Variants in AMPH observed in about 807,000 individuals in gnomAD.
AMPH encodes the protein amphiphysin.
A neutral mutation model predicts 99.1 loss-of-function variants in AMPH; 49 were observed. The ratio of observed to expected loss-of-function variants is 0.49; its 90% CI spans 0.39 to 0.63. The LOEUF (loss-of-function observed/expected upper bound fraction) is 0.63. AMPH is among the 20% of genes least tolerant of loss of function. The pLI, the probability that AMPH is intolerant of heterozygous loss-of-function variation, is 0.00. For missense variants in AMPH, 759 were observed against 863.4 expected, an observed-to-expected ratio of 0.88 and a Z score of 1.52; for synonymous variants, 314 against 317.3, an observed-to-expected ratio of 0.99 and a Z score of 0.11.
In AMPH at chr7:38,397,958, C is replaced by T. The variant is rs111622695; in HGVS notation, c.1399-3744G>A. Among the ~76,000 whole-genome samples the T allele has an allele frequency of 1.6e-4, 25 of 152,036 alleles. 1 individual carries two copies. In the Middle Eastern group the frequency reaches 0.01, roughly 62 times the overall value. ...ATGCAAATCGAAACTACAATGAGATCTCATCTCACCCCAGTTAAAACGGCT... is the reference window on the plus strand; with the variant it reads ...ATGCAAATCGAAACTACAATGAGATTTCATCTCACCCCAGTTAAAACGGCT... On this transcript the variant is annotated intron_variant, in intron 17 of 20. Transcript: ENST00000356264.
chr7:38,424,452 A>G (rs914936378), intron 15 of AMPH, among the ~76,000 whole-genome samples: 4 of 152,218 alleles, frequency 2.6e-5, no homozygotes, highest in African/African-American at 9.6e-5. Context: ...CTATTGGAAA[A>G]TAAATATGCA....
chr7:38,491,136 C>T lies in AMPH; in HGVS notation c.310G>A (p.Val104Met), dbSNP rs1234655947. The T allele has an allele frequency of 3.1e-6, 5 of 1,610,398 alleles. No homozygotes were observed. Among genetic ancestry groups the T allele is most frequent in the Non-Finnish European group, 4.2e-6 (5 of 1,176,982 alleles). Residue 104 changes from valine (V) to methionine (M), a missense_variant, in exon 5 of 21, where the codon GTG becomes ATG. Around this residue, in one of 2 missense-constraint regions of AMPH, gnomAD observed 205 missense variants for 287.9 expected, o/e 0.71. Transcript: ENST00000356264. ...TTTTGATGGAAGTCTTCCCACAGCA[C>T]ATCACATTTCTAAAAGAAATAAAGA... ...DVKMVGEKCDVLWEDFHQKLV... is the reference protein window; with the variant it reads ...DVKMVGEKCDMLWEDFHQKLV...
intron 8 of AMPH, 22 bp downstream of exon 8, chr7:38,466,150 CA>C: frequency 6.3e-7 from 1 of 1,588,328 alleles, no homozygotes; most frequent in South Asian, 1.1e-5. Context: ...ATTCCATATG[CA>C]AAAATTATCG....
chr7:38,433,799 C>T (rs1786147432), intron 12 of AMPH, among the ~76,000 whole-genome samples: 1 of 150,658 alleles, frequency 6.6e-6, no homozygotes, highest in African/African-American at 2.4e-5. Flanking sequence ...CACACATCAC[C>T]AGTTATTTTC....
At chr7:38,631,043 G>A (rs538088876) in intron 1 of AMPH, among the ~76,000 whole-genome samples, 1 of 152,226 alleles carries the variant, frequency 6.6e-6, no homozygotes, top group African/African-American at 2.4e-5. Context: ...CGGCGTCTCC[G>A]GGGCCAGGGT....
At chr7:38,390,679 G>A (rs1042932840) in intron 19 of AMPH, among the ~76,000 whole-genome samples, 3 of 152,116 alleles carry the variant, frequency 2.0e-5, no homozygotes, top group African/African-American at 7.2e-5. Flanking sequence ...TTTTCTGATT[G>A]GAAAACTGAT....
At chr7:38,458,770 A>T (rs1787329847) in intron 11 of AMPH, among the ~76,000 whole-genome samples, 1 of 152,184 alleles carries the variant, frequency 6.6e-6, no homozygotes, top group Non-Finnish European at 1.5e-5. Flanking sequence ...AATGGGAGAA[A>T]AGCTGAAAGC....
Position 38,391,753 on chromosome 7 carries a change from A to G in AMPH, c.1873T>C (p.Tyr625His). 6.2e-7 allele frequency: 1 copy of G among 1,613,530 alleles called. No homozygotes were observed. The highest frequency in any genetic ancestry group is 2.2e-5 in the East Asian group (1 of 44,888). ...GACTTAAAAAATAAGAATACCTTGT[A>G]GAGAAAGCCAGGAGGCAATTCCTGA... ...ASQELPPGFL[Y>H]KVETLHDFEA... The change falls in exon 19 of 21, where the codon TAC becomes CAC. Residue 625 changes from tyrosine (Y) to histidine (H), a missense_variant. Around this residue, in one of 2 missense-constraint regions of AMPH, gnomAD observed 554 missense variants for 575.6 expected, o/e 0.96. Coordinates refer to ENST00000356264, the MANE Select transcript of AMPH (RefSeq NM_001635.4).
intron 1 of AMPH, among the ~76,000 whole-genome samples, chr7:38,540,147 G>A (rs1172571698): frequency 6.6e-6 from 1 of 152,120 alleles, no homozygotes. Context: ...TCCACCTACA[G>A]GCAAAAGGAA....
intron 3 of AMPH, among the ~76,000 whole-genome samples, chr7:38,498,682 TC>T (rs2129024390): frequency 6.6e-6 from 1 of 152,338 alleles, no homozygotes; most frequent in Non-Finnish European, 1.5e-5. Context: ...CAATTTCACT[TC>T]TTCTAGCCTG....
rs111434153 is a variant in AMPH, at chr7:38,516,243, C to T, written c.151-12539G>A. 5.3e-4 allele frequency among the ~76,000 whole-genome samples: 80 copies of T among 152,280 alleles called. 1 individual carries two copies. In the Middle Eastern group the frequency reaches 0.027, roughly 52 times the overall value. On this transcript the variant is annotated intron_variant, in intron 2 of 20. Transcript: ENST00000356264. ...TTTTTTTCAGAGACCTTCTTGGCAGCGCCTTCCATCACAGGCCCTGAGGCC... is the reference window on the plus strand; with the variant it reads ...TTTTTTTCAGAGACCTTCTTGGCAGTGCCTTCCATCACAGGCCCTGAGGCC...
chr7:38,608,074 G>A (rs1793495869), intron 1 of AMPH, among the ~76,000 whole-genome samples: 1 of 152,088 alleles, frequency 6.6e-6, no homozygotes, highest in Non-Finnish European at 1.5e-5. Flanking sequence ...CCTAACTCAA[G>A]TGTTCTTCTT....
intron 2 of AMPH, among the ~76,000 whole-genome samples, chr7:38,529,443 A>C (rs1790312584): frequency 6.6e-6 from 1 of 152,230 alleles, no homozygotes; most frequent in African/African-American, 2.4e-5. Context: ...GCCTCACCTC[A>C]GACATCACCT....
intron 11 of AMPH, among the ~76,000 whole-genome samples, chr7:38,454,839 G>C (rs966895796): frequency 2.0e-5 from 3 of 152,052 alleles, no homozygotes; most frequent in Non-Finnish European, 2.9e-5. Flanking sequence ...CAATAATCAG[G>C]GGTTGGTACA....
chr7:38,615,354 G>C (rs1409101940), intron 1 of AMPH, among the ~76,000 whole-genome samples: 1 of 152,094 alleles, frequency 6.6e-6, no homozygotes, highest in Non-Finnish European at 1.5e-5. Flanking sequence ...CTTGGCACAA[G>C]AATTAAGATA....
rs576180684 is a variant in AMPH at position 38,604,439 on chromosome 7, T to C, written c.69+26844A>G. ...GGACTGGGCAATGCTTGTGTGCTGATGTGGGGTAGAGAAAGGAGATATGCA... is the reference window on the plus strand; with the variant it reads ...GGACTGGGCAATGCTTGTGTGCTGACGTGGGGTAGAGAAAGGAGATATGCA... On this transcript the variant is annotated intron_variant, in intron 1 of 20. Coordinates refer to ENST00000356264, the MANE Select transcript of AMPH (RefSeq NM_001635.4). Among the ~76,000 whole-genome samples the C allele has an allele frequency of 2.6e-4, 39 of 152,280 alleles. No homozygotes were observed. In the East Asian group the frequency reaches 7.3e-3, roughly 29 times the overall value.
rs118084367 is a variant in AMPH at position 38,586,116 on chromosome 7, C to A, written c.69+45167G>T. Among the ~76,000 whole-genome samples the A allele has an allele frequency of 7.1e-3, 1,084 of 152,250 alleles. 3 individuals carry two copies. The highest frequency in any genetic ancestry group is 0.012 in the Non-Finnish European group (798 of 68,020). On this transcript the variant is annotated intron_variant, in intron 1 of 20. Coordinates refer to ENST00000356264, the MANE Select transcript of AMPH (RefSeq NM_001635.4). The stretch of plus-strand genomic sequence containing the variant: ...AGTCCAGACATGGAACTAAAATATG[C>A]CTGGACTTCCAAATATTTCAACAGG...
At chr7:38,619,799 G>T (rs2129069944) in intron 1 of AMPH, among the ~76,000 whole-genome samples, 1 of 152,264 alleles carries the variant, frequency 6.6e-6, no homozygotes, top group Middle Eastern at 3.4e-3. Context: ...AATGCCAGTG[G>T]TCCCCATGGT....
intron 1 of AMPH, among the ~76,000 whole-genome samples, chr7:38,552,666 A>T (rs939112263): frequency 1.3e-5 from 2 of 152,142 alleles, no homozygotes; most frequent in African/African-American, 4.8e-5. Flanking sequence ...GGTTACTGGG[A>T]TGCACACATC....
Sources: gnomAD v4.1 joint callset for allele counts (sites outside exome capture counted in the v4.1 genomes callset) on GRCh38, gnomAD v4.1.1 for gene constraint, gnomAD v4.1.1 regional missense constraint, MANE v1.5 for transcripts, NCBI Gene and HGNC (gene_info 2026-07-23, HGNC 2026-07-21) for gene names.